Variants in MAP4K3 observed in about 807,000 individuals in gnomAD.
MAP4K3 encodes the protein MAPK/ERK kinase kinase kinase 3.
Under a neutral mutation model 143.5 loss-of-function variants are expected in MAP4K3, and 94 were observed. That is an observed-to-expected ratio of 0.65 (90% CI 0.55 to 0.78). MAP4K3 has a LOEUF of 0.78. Ranked by LOEUF, MAP4K3 falls within the 30% of genes least tolerant of loss-of-function variation. The pLI is 0.00. For synonymous variants in MAP4K3, 416 were observed against 347.2 expected, an observed-to-expected ratio of 1.20 and a Z score of -2.20; for missense variants, 1,077 against 1,068.1, an observed-to-expected ratio of 1.01 and a Z score of -0.12.
intron 1 of MAP4K3, among the ~76,000 whole-genome samples, chr2:39,392,760 A>G (rs1429636799): frequency 6.6e-6 from 1 of 152,142 alleles, no homozygotes; most frequent in Non-Finnish European, 1.5e-5. Flanking sequence ...CTTGAGACTG[A>G]GTTGGTTATA....
At chr2:39,262,671 C>G (rs975786228) in intron 28 of MAP4K3, among the ~76,000 whole-genome samples, 2 of 152,156 alleles carry the variant, frequency 1.3e-5, no homozygotes, top group Non-Finnish European at 1.5e-5. Context: ...AGTTTTAAAT[C>G]CAGTTGCTAT....
intron 1 of MAP4K3, 42 bp from the exon 2 acceptor site, chr2:39,378,165 T>A (rs1361155977): frequency 3.6e-6 from 4 of 1,125,582 alleles, no homozygotes; most frequent in Non-Finnish European, 3.8e-6. Context: ...AAGAAAGCTT[T>A]CATAAAAAGT....
rs539328164 is a variant in MAP4K3, at chr2:39,421,089, C to G, written c.96+15803G>C. On this transcript the variant is annotated intron_variant, in intron 1 of 33. Coordinates refer to ENST00000263881, the MANE Select transcript of MAP4K3 (RefSeq NM_003618.4). ...TATCAGACTGAGGATTAACTGTCCA[C>G]TCTCCACCACATCCATCTCTCACAG... 3.8e-3 allele frequency among the ~76,000 whole-genome samples: 572 copies of G among 152,340 alleles called. 3 individuals carry two copies. The highest frequency in any genetic ancestry group is 5.5e-3 in the Non-Finnish European group (372 of 68,032).
At chr2:39,436,212 C>A (rs191424965) in intron 1 of MAP4K3, among the ~76,000 whole-genome samples, 1 of 152,006 alleles carries the variant, frequency 6.6e-6, no homozygotes, top group African/African-American at 2.4e-5. Flanking sequence ...GAATTCTAAC[C>A]TTGTCAAACC....
chr2:39,318,076 C>T (rs536884429), intron 12 of MAP4K3, among the ~76,000 whole-genome samples: 2 of 152,144 alleles, frequency 1.3e-5, no homozygotes, highest in African/African-American at 4.8e-5. Flanking sequence ...TAAAAAAGAA[C>T]GAGATAGTGT....
intron 1 of MAP4K3, among the ~76,000 whole-genome samples, chr2:39,392,901 A>T (rs942404059): frequency 7.9e-5 from 12 of 152,200 alleles, no homozygotes; most frequent in Admixed American, 2.0e-4. Flanking sequence ...CCAGCCTCCA[A>T]AACTGTGAGC....
At chr2:39,256,699 G>C (rs1278977272) in intron 31 of MAP4K3, among the ~76,000 whole-genome samples, 1 of 152,084 alleles carries the variant, frequency 6.6e-6, no homozygotes, top group African/African-American at 2.4e-5. Context: ...AATCTTGTTT[G>C]ATTTTAGCAT....
At chr2:39,334,996 A>C (rs1683816117) in intron 6 of MAP4K3, among the ~76,000 whole-genome samples, 5 of 152,164 alleles carry the variant, frequency 3.3e-5, no homozygotes, top group Admixed American at 3.3e-4. Context: ...ATCTGGGAGA[A>C]GACTATTTCA....
At chr2:39,380,993 C>G (rs1666342866) in intron 1 of MAP4K3, among the ~76,000 whole-genome samples, 1 of 152,196 alleles carries the variant, frequency 6.6e-6, no homozygotes, top group Non-Finnish European at 1.5e-5. Flanking sequence ...CTCTCAATCC[C>G]TGGCAACCAC....
At chr2:39,370,759 C>G (rs555520473) in intron 2 of MAP4K3, among the ~76,000 whole-genome samples, 1 of 152,218 alleles carries the variant, frequency 6.6e-6, no homozygotes, top group Admixed American at 6.5e-5. Context: ...AGAGTTTTTC[C>G]TATGAGTTGC....
At chr2:39,331,451 G>A (rs1333748826) in intron 8 of MAP4K3, among the ~76,000 whole-genome samples, 3 of 152,140 alleles carry the variant, frequency 2.0e-5, no homozygotes, top group Non-Finnish European at 4.4e-5. Flanking sequence ...ACAGAGGCCA[G>A]ATCACAGAAG....
At chr2:39,267,079 A>T in intron 27 of MAP4K3, 110 bp downstream of exon 27, 1 of 1,016,112 alleles carries the variant, frequency 9.8e-7, no homozygotes, top group Non-Finnish European at 1.5e-6. Flanking sequence ...TGTTCTACTT[A>T]AGCAGGAAAA....
In MAP4K3 at chr2:39,436,950, T is replaced by A. The variant is rs1485358660; in HGVS notation, c.38A>T (p.Gln13Leu). The A allele has an allele frequency of 6.2e-7, 1 of 1,612,550 alleles. No individual in the cohort carries two copies. Among genetic ancestry groups the A allele is most frequent in the African/African-American group, 1.3e-5 (1 of 74,794 alleles). ...GCGCTGAATCAGCTCGAAGTCCTCC[T>A]GCGGGTTCCGGCGGGACAAATCGAA... ...PGFDLSRRNPQEDFELIQRIG... is the reference protein window; with the variant it reads ...PGFDLSRRNPLEDFELIQRIG... The change falls in exon 1 of 34, where the codon CAG (glutamine) becomes CTG (leucine). Residue 13 changes from glutamine (Q) to leucine (L), a missense_variant. By Grantham distance (113) the Gln-to-Leu change is moderately radical (BLOSUM62 -2). Coordinates refer to ENST00000263881, the MANE Select transcript of MAP4K3 (RefSeq NM_003618.4).
intron 4 of MAP4K3, among the ~76,000 whole-genome samples, chr2:39,342,765 A>G (rs561313962): frequency 6.6e-6 from 1 of 152,336 alleles, no homozygotes; most frequent in South Asian, 2.1e-4. Context: ...ATGAGAAAAA[A>G]GGTCCACAAT....
intron 18 of MAP4K3, among the ~76,000 whole-genome samples, chr2:39,291,417 G>A (rs985006945): frequency 6.6e-6 from 1 of 152,054 alleles, no homozygotes; most frequent in Admixed American, 6.6e-5. Flanking sequence ...GCCACATCTG[G>A]CTTATGAAAT....
Position 39,325,940 on chromosome 2 carries a change from T to C in MAP4K3, c.684A>G (p.Lys228=). The C allele has an allele frequency of 6.3e-7, 1 of 1,595,936 alleles. No individual in the cohort carries two copies. The highest frequency in any genetic ancestry group is 1.1e-5 in the South Asian group (1 of 89,158). Residue 228 remains lysine, a synonymous_variant, in exon 10 of 34, where the codon AAA becomes AAG. Coordinates refer to ENST00000263881, the MANE Select transcript of MAP4K3 (RefSeq NM_003618.4). Reference sequence around the variant, plus strand: ...TTAGTTTAGGAGGCTGAAAATTGCTTTTTGTCATTAGAAATAATGCTCTGA... The same window carrying C: ...TTAGTTTAGGAGGCTGAAAATTGCTCTTTGTCATTAGAAATAATGCTCTGA... ...HPMRALFLMT[K]SNFQPPKLKD...
chr2:39,414,491 T>C (rs1339809488), intron 1 of MAP4K3, among the ~76,000 whole-genome samples: 4 of 152,182 alleles, frequency 2.6e-5, no homozygotes, highest in African/African-American at 4.8e-5. Flanking sequence ...TTTTGAGAAA[T>C]GGCCCCCACA....
At chr2:39,259,278 A>T (rs1680467313) in intron 29 of MAP4K3, among the ~76,000 whole-genome samples, 1 of 152,186 alleles carries the variant, frequency 6.6e-6, no homozygotes, top group South Asian at 2.1e-4. Context: ...GAATTCACGG[A>T]AATGAAAATT....
chr2:39,287,471 ATT>A (rs1417275485), intron 20 of MAP4K3, among the ~76,000 whole-genome samples: 1 of 146,950 alleles, frequency 6.8e-6, no homozygotes, highest in African/African-American at 2.5e-5. Flanking sequence ...CTAATTTTGT[ATT>A]TTTTTTTTTA....
Sources: gnomAD v4.1 joint callset for allele counts (sites outside exome capture counted in the v4.1 genomes callset) on GRCh38, gnomAD v4.1.1 for gene constraint, MANE v1.5 for transcripts, NCBI Gene and HGNC (gene_info 2026-07-23, HGNC 2026-07-21) for gene names.